The following TOP2B variants were observed in gnomAD, a reference collection of about 807,000 sequenced individuals.
TOP2B encodes the protein DNA topoisomerase 2-beta.
Under a neutral mutation model 193.5 loss-of-function variants are expected in TOP2B, and 51 were observed. That is an observed-to-expected ratio of 0.26 (90% CI 0.21 to 0.33). TOP2B has a LOEUF of 0.33. TOP2B is among the 10% of genes least tolerant of loss of function. TOP2B has a pLI of 1.00. For missense variants in TOP2B, 1,378 were observed against 1,909.3 expected (o/e 0.72, Z 5.19); for synonymous variants, 634 against 635.7 (o/e 1.00, Z 0.04).
At chr3:25,602,877 G>A (rs1450924071) in intron 33 of TOP2B, among the ~76,000 whole-genome samples, 2 of 152,150 alleles carry the variant, frequency 1.3e-5, no homozygotes, top group African/African-American at 4.8e-5. Flanking sequence ...AGTTAACATA[G>A]ACAATCCCAC....
Position 25,598,287 on chromosome 3 carries a change from T to C in TOP2B, c.*20A>G, listed in dbSNP as rs1236540481. 6.3e-7 allele frequency: 1 copy of C among 1,585,374 alleles called. No individual in the cohort carries two copies. ...ACAACACAAGATATTTGTTGAAAAA[T>C]GTTTGTGCTCTTTGGGCACTTAATT... is the stretch of plus-strand genomic sequence containing the variant. On this transcript the variant is annotated 3_prime_UTR_variant, in exon 36 of 36. Coordinates refer to ENST00000264331, the MANE Select transcript of TOP2B (RefSeq NM_001330700.2).
intron 4 of TOP2B, among the ~76,000 whole-genome samples, chr3:25,639,746 T>G (rs1401667400): frequency 1.3e-5 from 2 of 152,258 alleles, no homozygotes; most frequent in East Asian, 3.8e-4. Flanking sequence ...GTCCAAATTC[T>G]GCATGGCATC....
At chr3:25,628,752 CT>C (rs769540279) in intron 15 of TOP2B, 94 bp downstream of exon 15, 333 of 770,570 alleles carry the variant, frequency 4.3e-4, no homozygotes, top group Non-Finnish European at 6.1e-4. Flanking sequence ...TTTTCGAAGT[CT>C]AAAATAGTCA....
chr3:25,630,633 T>C (rs1035712098), intron 11 of TOP2B, among the ~76,000 whole-genome samples, 164 bp from the exon 12 acceptor site: 1 of 152,184 alleles, frequency 6.6e-6, no homozygotes, highest in Non-Finnish European at 1.5e-5. Context: ...ATTAAATTCC[T>C]ATCCCCTGAA....
intron 23 of TOP2B, among the ~76,000 whole-genome samples, chr3:25,619,596 C>T (rs1242884325): frequency 2.0e-5 from 3 of 152,026 alleles, no homozygotes; most frequent in Non-Finnish European, 2.9e-5. Flanking sequence ...ACTCTCATAA[C>T]TTTTAGTCAA....
intron 5 of TOP2B, 100 bp from the exon 6 acceptor site, chr3:25,637,412 C>T (rs1189802350): frequency 1.4e-6 from 1 of 723,534 alleles, no homozygotes; most frequent in East Asian, 2.7e-5. Context: ...AACTGTTCCA[C>T]TAACTGCATT....
chr3:25,606,141 A>C lies in TOP2B; in HGVS notation c.4299-19T>G. 8.0e-7 allele frequency: 1 copy of C among 1,253,288 alleles called. No homozygotes were observed. Among genetic ancestry groups the C allele is most frequent in the Non-Finnish European group, 1.1e-6 (1 of 895,090 alleles). 77.6% of individuals were successfully genotyped at this position (1,253,288 alleles called of 1,614,324 possible). The stretch of plus-strand genomic sequence containing the variant: ...AGATTTTCTATTAGAAAGAAAATAA[A>C]CACCACAGAGGATACAATTTAAATA... On this transcript the variant is annotated intron_variant, in intron 31 of 35. Coordinates refer to ENST00000264331, the MANE Select transcript of TOP2B (RefSeq NM_001330700.2).
rs188648390 is a variant in TOP2B at position 25,617,581 on chromosome 3, G to T, written c.3351+837C>A. On this transcript the variant is annotated intron_variant, in intron 25 of 35. Coordinates refer to ENST00000264331, the MANE Select transcript of TOP2B (RefSeq NM_001330700.2). ...AACTCAAGTACAGGGAAGTTTAAAGGTTCAAGTTATGTCACACAATTATAA... is the reference window on the plus strand; with the variant it reads ...AACTCAAGTACAGGGAAGTTTAAAGTTTCAAGTTATGTCACACAATTATAA... Among the ~76,000 whole-genome samples the T allele has an allele frequency of 1.9e-4, 29 of 152,212 alleles. No individual in the cohort carries two copies. The East Asian group carries it at 5.6e-3, about 29-fold the overall frequency.
intron 28 of TOP2B, among the ~76,000 whole-genome samples, chr3:25,611,571 T>G (rs548635680): frequency 6.6e-6 from 1 of 152,320 alleles, no homozygotes; most frequent in African/African-American, 2.4e-5. Context: ...TCCAAAAACA[T>G]TAGCCTCTCT....
chr3:25,629,020 T>C lies in TOP2B; in HGVS notation c.1800+15A>G, dbSNP rs763320696. The C allele has an allele frequency of 5.1e-6, 8 of 1,576,168 alleles. No homozygotes were observed. The highest frequency in any genetic ancestry group is 6.9e-6 in the Non-Finnish European group (8 of 1,159,986). On this transcript the variant is annotated intron_variant, in intron 14 of 35. Transcript: ENST00000264331. Reference sequence around the variant, plus strand: ...TTAAGACAACAATATAAAAATATATTAATGCAAAGAGTACCTTTACAATAG... The same window carrying C: ...TTAAGACAACAATATAAAAATATATCAATGCAAAGAGTACCTTTACAATAG...
Position 25,664,304 on chromosome 3 carries a change from T to C in TOP2B, c.-7A>G, listed in dbSNP as rs1174830054. ...AGCCACCCGACTTGGCCATGGCGAG[T>C]GCCTCCAGCTCACAGGCCCTGAGGC... On this transcript the variant is annotated 5_prime_UTR_variant, in exon 1 of 36. Transcript: ENST00000264331. The C allele has an allele frequency of 2.0e-6, 3 of 1,529,752 alleles. No homozygotes were observed. In the African/African-American group the frequency reaches 4.2e-5, roughly 21 times the overall value. 94.8% of individuals were successfully genotyped at this position (1,529,752 alleles called of 1,614,324 possible).
intron 7 of TOP2B, among the ~76,000 whole-genome samples, chr3:25,634,798 C>CA (rs1491143901): frequency 7.6e-6 from 1 of 131,462 alleles, no homozygotes; most frequent in African/African-American, 2.8e-5. Context: ...AAAAAAAAAA[C>CA]CAAAAAAAGG....
intron 4 of TOP2B, among the ~76,000 whole-genome samples, chr3:25,641,758 G>A (rs923327057): frequency 3.3e-5 from 5 of 151,902 alleles, no homozygotes; most frequent in African/African-American, 1.2e-4. Context: ...AAATTACAAA[G>A]GATGAATGTA....
At chr3:25,608,156 C>A (rs183013979) in intron 30 of TOP2B, among the ~76,000 whole-genome samples, 1 of 152,094 alleles carries the variant, frequency 6.6e-6, no homozygotes, top group East Asian at 1.9e-4. Context: ...TATGAAATAA[C>A]AAAGACAGTA....
chr3:25,604,920 T>TTTA, intron 32 of TOP2B, 50 bp from the exon 33 acceptor site: 1 of 1,393,232 alleles, frequency 7.2e-7, no homozygotes, highest in Non-Finnish European at 1.0e-6. Context: ...TAAAGATCTC[T>TTTA]CAGTAAACTT....
chr3:25,606,077 G>A lies in TOP2B; in HGVS notation c.4344C>T (p.Phe1448=). The A allele has an allele frequency of 6.6e-7, 1 of 1,506,716 alleles. No homozygotes were observed. The allele number at this position is 1,506,716 out of a possible 1,614,324, so 93.3% of individuals were successfully genotyped here. The change falls in exon 32 of 36, where the codon TTC becomes TTT. Residue 1448 remains phenylalanine, a synonymous_variant. Transcript: ENST00000264331. Reference sequence around the variant, plus strand: ...ACTTCTGAGAATATGAAGGAAATGAGAAGAGATTTCCAAAATCCTGACTTT... The same window carrying A: ...ACTTCTGAGAATATGAAGGAAATGAAAAGAGATTTCCAAAATCCTGACTTT... The part of the protein sequence containing the change: ...DKKSQDFGNL[F]SFPSYSQKSE...
chr3:25,601,013 T>C (rs1485953150), intron 34 of TOP2B, 87 bp downstream of exon 34: 5 of 1,414,468 alleles, frequency 3.5e-6, no homozygotes, highest in Non-Finnish European at 4.8e-6. Context: ...AATAGATACC[T>C]AGCCTCTCTA....
rs1702612286 is a variant in TOP2B, at chr3:25,619,866, G to C, written c.3059C>G (p.Ser1020Cys). The change falls in exon 23 of 36, where the codon TCC becomes TGC. Residue 1020 changes from serine to cysteine, a missense_variant. Transcript: ENST00000264331. ...FKLQTTLTCN[S>C]MVLFDHMGCL... ...ACAGTAAATCTAATAAATTACCATG[G>C]AATTACAAGTAAGAGTAGTTTGAAG... 6.3e-7 allele frequency: 1 copy of C among 1,592,272 alleles called. No individual in the cohort carries two copies. Among genetic ancestry groups the C allele is most frequent in the East Asian group, 2.2e-5 (1 of 44,686 alleles).
chr3:25,606,195 T>C, intron 31 of TOP2B, 73 bp from the exon 32 acceptor site: 1 of 679,510 alleles, frequency 1.5e-6, no homozygotes, highest in Non-Finnish European at 2.3e-6. Context: ...AAATTATATA[T>C]AATATTTACT....
Sources: allele counts gnomAD v4.1 joint callset (sites outside exome capture counted in the v4.1 genomes callset), GRCh38; gene constraint gnomAD v4.1.1; transcripts MANE v1.5; gene names NCBI Gene and HGNC (gene_info 2026-07-23, HGNC 2026-07-21).